The following KATNBL1 variants were observed in gnomAD, a reference collection of about 807,000 sequenced individuals.
The protein encoded by KATNBL1 is KATNB1-like protein 1.
In KATNBL1, 28 loss-of-function variants were observed where a neutral mutation model predicts 44.7. That is an observed-to-expected ratio of 0.63 (90% CI 0.46 to 0.86). The LOEUF (loss-of-function observed/expected upper bound fraction) is 0.86. Among genes scored for constraint, KATNBL1 ranks in the 40% least tolerant of loss-of-function variants. The pLI, the probability that KATNBL1 is intolerant of heterozygous loss-of-function variation, is 0.00. For synonymous variants in KATNBL1, 78 were observed against 114.9 expected, an observed-to-expected ratio of 0.68 and a Z score of 2.06; for missense variants, 272 against 350.7, an observed-to-expected ratio of 0.78 and a Z score of 1.79.
chr15:34,209,685 T>C (rs971682789), intron 1 of KATNBL1: 6 of 152,144 alleles, frequency 3.9e-5, no homozygotes, highest in Non-Finnish European at 7.3e-5. Context: ...TGACAACAGG[T>C]TCGGTCCACG....
At chr15:34,209,880 C>T (rs914360179) in intron 1 of KATNBL1, 71 bp downstream of exon 1, 19 of 151,412 alleles carry the variant, frequency 1.3e-4, no homozygotes, top group African/African-American at 3.9e-4. Context: ...CGGCCAAGCC[C>T]GGCTGGAGTA....
chr15:34,145,507 G>A lies in KATNBL1; in HGVS notation c.789-16C>T. ...TTGAATATTTCTAAAAGAAAAAAAA[G>A]GAAGAAAAATGAGAAAGCAAATACA... On this transcript the variant is annotated splice_polypyrimidine_tract_variant and intron_variant, in intron 8 of 9. Coordinates refer to ENST00000256544, the MANE Select transcript of KATNBL1 (RefSeq NM_024713.3). The A allele has an allele frequency of 7.1e-7, 1 of 1,414,006 alleles. No individual in the cohort carries two copies. Among genetic ancestry groups the A allele is most frequent in the Non-Finnish European group, 9.2e-7 (1 of 1,085,232 alleles). 87.6% of individuals were successfully genotyped at this position (1,414,006 alleles called of 1,614,324 possible).
At chr15:34,201,934 CA>C (rs1166406709) in intron 1 of KATNBL1, among the ~76,000 whole-genome samples, 1 of 152,078 alleles carries the variant, frequency 6.6e-6, no homozygotes, top group Non-Finnish European at 1.5e-5. Context: ...ATAGCATTTA[CA>C]TTGTACTAGA....
At chr15:34,205,366 C>T (rs1890268041) in intron 1 of KATNBL1, among the ~76,000 whole-genome samples, 1 of 152,120 alleles carries the variant, frequency 6.6e-6, no homozygotes, top group Non-Finnish European at 1.5e-5. Context: ...ATATATAATT[C>T]ATTTTTGCTA....
intron 9 of KATNBL1, chr15:34,144,937 G>T: frequency 2.7e-6 from 1 of 376,432 alleles, no homozygotes; most frequent in Non-Finnish European, 3.7e-6. Context: ...TCCTTTACGA[G>T]ACAAATCAAT....
At chr15:34,146,910 AGAT>A in intron 7 of KATNBL1, 60 bp from the exon 8 acceptor site, 2 of 1,063,992 alleles carry the variant, frequency 1.9e-6, no homozygotes, top group Non-Finnish European at 2.9e-6. Flanking sequence ...TTCTTATAAA[AGAT>A]GATACTTTCC....
At chr15:34,150,206 G>C (rs142142445) in intron 4 of KATNBL1, among the ~76,000 whole-genome samples, 1 of 152,286 alleles carries the variant, frequency 6.6e-6, no homozygotes, top group East Asian at 1.9e-4. Flanking sequence ...GAAAAGTAGT[G>C]AAAATGAGAA....
intron 1 of KATNBL1, among the ~76,000 whole-genome samples, chr15:34,164,163 G>A (rs1888894942): frequency 6.6e-6 from 1 of 152,130 alleles, no homozygotes; most frequent in Non-Finnish European, 1.5e-5. Flanking sequence ...CTAAATGCTG[G>A]GATTACAGGC....
Position 34,154,698 on chromosome 15 carries a change from G to C in KATNBL1, c.118-14C>G. 1 of 1,536,394 alleles carries C rather than the reference G, an allele frequency of 6.5e-7. No individual in the cohort carries two copies. Among genetic ancestry groups the C allele is most frequent in the East Asian group, 2.2e-5 (1 of 44,528 alleles). ...AGATTTCTTAACCTGAAAAATGAAA[G>C]TAGATAGTTGATGTTAGAAACAAAT... On this transcript the variant is annotated splice_polypyrimidine_tract_variant and intron_variant, in intron 2 of 9. Transcript: ENST00000256544.
In KATNBL1 at chr15:34,185,893, C is replaced by T. The variant is rs143740005; in HGVS notation, c.-14-22203G>A. On this transcript the variant is annotated intron_variant, in intron 1 of 9. Coordinates refer to ENST00000256544, the MANE Select transcript of KATNBL1 (RefSeq NM_024713.3). ...GATAAGGGGTCTGGTGTCTCATTGTCCAGATGCTATGATCTGGTACGTTTT... is the reference window on the plus strand; with the variant it reads ...GATAAGGGGTCTGGTGTCTCATTGTTCAGATGCTATGATCTGGTACGTTTT... 7.4e-4 allele frequency among the ~76,000 whole-genome samples: 113 copies of T among 152,250 alleles called. 1 individual carries two copies. The highest frequency in any genetic ancestry group is 2.5e-3 in the African/African-American group (104 of 41,542).
intron 8 of KATNBL1, 57 bp from the exon 9 acceptor site, chr15:34,145,548 T>G: frequency 7.6e-7 from 1 of 1,312,972 alleles, no homozygotes; most frequent in Admixed American, 3.9e-5. Flanking sequence ...ATACAAACTT[T>G]CATCATAAAT....
At chr15:34,170,213 C>T (rs1472571433) in intron 1 of KATNBL1, among the ~76,000 whole-genome samples, 2 of 152,202 alleles carry the variant, frequency 1.3e-5, no homozygotes, top group Non-Finnish European at 2.9e-5. Flanking sequence ...CCAAAATCTC[C>T]TTAAGCTGAT....
At chr15:34,204,717 T>C (rs1444585214) in intron 1 of KATNBL1, among the ~76,000 whole-genome samples, 3 of 152,230 alleles carry the variant, frequency 2.0e-5, no homozygotes, top group East Asian at 1.9e-4. Context: ...ACATACTTTG[T>C]AGGCAAGAAT....
chr15:34,169,923 C>T (rs7497840), intron 1 of KATNBL1, among the ~76,000 whole-genome samples: 49,563 of 151,756 alleles, frequency 0.33, 8,458 homozygotes, highest in African/African-American at 0.45. Flanking sequence ...AAACTAGGTA[C>T]TGAAGAATCA....
At chr15:34,188,793 C>T (rs2140981672) in intron 1 of KATNBL1, among the ~76,000 whole-genome samples, 1 of 152,266 alleles carries the variant, frequency 6.6e-6, no homozygotes, top group East Asian at 1.9e-4. Context: ...TATCAGAGGC[C>T]TGCATTCAAG....
At chr15:34,201,919 T>C (rs958388477) in intron 1 of KATNBL1, among the ~76,000 whole-genome samples, 10 of 152,200 alleles carry the variant, frequency 6.6e-5, no homozygotes, top group African/African-American at 9.7e-5. Context: ...ATAACAACTA[T>C]TTACATAGCA....
At chr15:34,184,590 T>TTTTTTTTTTA (rs1597454290) in intron 1 of KATNBL1, among the ~76,000 whole-genome samples, 1 of 143,106 alleles carries the variant, frequency 7.0e-6, no homozygotes, top group African/African-American at 2.6e-5. Flanking sequence ...TTTTTTTTTT[T>TTTTTTTTTTA]GAGACAGAGT....
rs190637590 is a variant in KATNBL1, at chr15:34,200,557, C to T, written c.-15+9394G>A. ...ATTACAGGCGTGAGCCACCACGCCC[C>T]GCCCACCACTTTCTCTTAATTCAGT... On this transcript the variant is annotated intron_variant, in intron 1 of 9. Coordinates refer to ENST00000256544, the MANE Select transcript of KATNBL1 (RefSeq NM_024713.3). Among the ~76,000 whole-genome samples, 476 of 151,504 alleles carry T rather than the reference C, an allele frequency of 3.1e-3. 5 individuals are homozygous for T. The highest frequency in any genetic ancestry group is 0.011 in the African/African-American group (456 of 41,316).
At chr15:34,146,739 T>G in intron 8 of KATNBL1, 22 bp downstream of exon 8, 1 of 1,391,714 alleles carries the variant, frequency 7.2e-7, no homozygotes, top group Non-Finnish European at 1.0e-6. Flanking sequence ...CAGCATGAGT[T>G]TATCTTTAAA....
Sources: gnomAD v4.1 joint callset for allele counts (sites outside exome capture counted in the v4.1 genomes callset) on GRCh38, gnomAD v4.1.1 for gene constraint, MANE v1.5 for transcripts, NCBI Gene and HGNC (gene_info 2026-07-23, HGNC 2026-07-21) for gene names.